CAMTA1: variants seen among roughly 807,000 people sequenced by gnomAD.
The protein encoded by CAMTA1 is calmodulin binding transcription activator 1, also known as calmodulin-binding transcription activator 1.
A neutral mutation model predicts 170.9 loss-of-function variants in CAMTA1; 27 were observed. That is an observed-to-expected ratio of 0.16 (90% CI 0.12 to 0.22). The LOEUF is 0.22. Among genes scored for constraint, CAMTA1 ranks in the 10% least tolerant of loss-of-function variants. The pLI is 1.00. For missense variants in CAMTA1, 1,619 were observed against 2,217.2 expected (o/e 0.73, Z 5.42); for synonymous variants, 833 against 891.5 (o/e 0.93, Z 1.17).
chr1:7,263,119 A>G (rs1311847801), intron 5 of CAMTA1, among the ~76,000 whole-genome samples: 2 of 152,186 alleles, frequency 1.3e-5, no homozygotes, highest in Non-Finnish European at 1.5e-5. Context: ...ACACCTGGCA[A>G]CAAGATTCTC....
intron 15 of CAMTA1, 45 bp downstream of exon 15, chr1:7,737,615 C>G (rs776569256): frequency 3.3e-6 from 5 of 1,530,134 alleles, no homozygotes; most frequent in Non-Finnish European, 3.5e-6. Context: ...ACAGAGATCC[C>G]GTTTGCTTTC....
intron 6 of CAMTA1, among the ~76,000 whole-genome samples, chr1:7,535,885 A>C (rs910116162): frequency 6.6e-6 from 1 of 152,234 alleles, no homozygotes; most frequent in Admixed American, 6.5e-5. Flanking sequence ...TGTTTTAGCA[A>C]GGGAAGCCCA....
At position 7,609,984 on chromosome 1, in the gene CAMTA1, GC is replaced by G. The variant is rs963891746; in HGVS notation, c.511-30414del. Among the ~76,000 whole-genome samples the G allele has an allele frequency of 2.0e-5, 3 of 152,196 alleles. No individual in the cohort carries two copies. Among genetic ancestry groups the G allele is most frequent in the African/African-American group, 7.2e-5 (3 of 41,456 alleles). On this transcript the variant is annotated intron_variant, in intron 6 of 22. Coordinates refer to ENST00000303635, the MANE Select transcript of CAMTA1 (RefSeq NM_015215.4). The surrounding 1 kb of genome is among the most constrained non-coding windows in gnomAD (Gnocchi z 4.4). ...TCTCTTTACCTGAAATACAGCACCT[GC>G]CGGGTCTGTCCACACTGTGTGTGCA...
intron 4 of CAMTA1, among the ~76,000 whole-genome samples, chr1:7,184,887 T>C (rs1401971514): frequency 1.3e-5 from 2 of 152,202 alleles, no homozygotes; most frequent in African/African-American, 2.4e-5. Flanking sequence ...ACTTTTGGGC[T>C]CTGTATTTTG....
At chr1:7,070,399 A>T (rs898406630) in intron 3 of CAMTA1, among the ~76,000 whole-genome samples, 1 of 152,176 alleles carries the variant, frequency 6.6e-6, no homozygotes, top group East Asian at 1.9e-4. Flanking sequence ...ATCATTTTTC[A>T]TTCAGTTACT....
intron 6 of CAMTA1, among the ~76,000 whole-genome samples, chr1:7,520,212 TCC>T (rs1575768681): frequency 5.3e-3 from 1 of 188 alleles, no homozygotes; most frequent in Non-Finnish European, 0.01. Context: ...CTCCTCCTCC[TCC>T]TCCTCCTCCT....
chr1:7,564,480 G>GA (rs2095009472), intron 6 of CAMTA1, among the ~76,000 whole-genome samples: 1 of 152,222 alleles, frequency 6.6e-6, no homozygotes, highest in South Asian at 2.1e-4. Flanking sequence ...CATGCCGTGG[G>GA]AAAACGGGCT....
intron 5 of CAMTA1, among the ~76,000 whole-genome samples, chr1:7,416,034 G>T (rs2091144071): frequency 6.6e-6 from 1 of 152,164 alleles, no homozygotes; most frequent in South Asian, 2.1e-4. Flanking sequence ...AGTTTGGCTG[G>T]ATATGAAATT....
rs1236562321 is a variant in CAMTA1 at position 7,275,793 on chromosome 1, T to C, written c.438+26167T>C. Among the ~76,000 whole-genome samples, 4 of 152,258 alleles carry C rather than the reference T, an allele frequency of 2.6e-5. No homozygotes were observed. In the East Asian group the frequency reaches 5.8e-4, roughly 22 times the overall value. ...ATCTTTCCCCAAAAAGAAACCTCCT[T>C]CATGGTGAATTTGATTTAAAAAAAT... On this transcript the variant is annotated intron_variant, in intron 5 of 22. Transcript: ENST00000303635.
At position 7,608,289 on chromosome 1, in the gene CAMTA1, G is replaced by C. The variant is rs540582219; in HGVS notation, c.511-32111G>C. Among the ~76,000 whole-genome samples, 15 of 152,358 alleles carry C rather than the reference G, an allele frequency of 9.8e-5. No individual in the cohort carries two copies. In the East Asian group the frequency reaches 2.9e-3, roughly 29 times the overall value. On this transcript the variant is annotated intron_variant, in intron 6 of 22. Transcript: ENST00000303635. ...CCCAGACCTGACCAAGGTCATGCAG[G>C]TGGTAGATGGGAGAGGCAAGGAGGT... is the stretch of plus-strand genomic sequence containing the variant.
chr1:7,026,352 G>C lies in CAMTA1; in HGVS notation c.235-64952G>C, dbSNP rs913938615. On this transcript the variant is annotated intron_variant, in intron 3 of 22. Transcript: ENST00000303635. ...ATCATGATATTCCTATATGTCCAGG[G>C]GGGGAGTCATCCGTGGCACGGCCTC... Among the ~76,000 whole-genome samples the C allele has an allele frequency of 8.5e-5, 13 of 152,210 alleles. No homozygotes were observed. In the East Asian group the frequency reaches 1.2e-3, roughly 14 times the overall value.
At chr1:7,264,204 T>C (rs765691262) in intron 5 of CAMTA1, among the ~76,000 whole-genome samples, 4 of 152,164 alleles carry the variant, frequency 2.6e-5, no homozygotes, top group Non-Finnish European at 4.4e-5. Context: ...TCTGATTCAG[T>C]TGGTCTGGGT....
chr1:6,810,546 C>T (rs1462872131), intron 1 of CAMTA1, among the ~76,000 whole-genome samples: 1 of 152,170 alleles, frequency 6.6e-6, no homozygotes, highest in African/African-American at 2.4e-5. Flanking sequence ...GTGGCTCATG[C>T]CTGTAATCCC....
At chr1:6,881,534 G>A (rs538386205) in intron 3 of CAMTA1, among the ~76,000 whole-genome samples, 17 of 152,296 alleles carry the variant, frequency 1.1e-4, no homozygotes, top group African/African-American at 3.1e-4. Flanking sequence ...TGTGCAGAGC[G>A]TGGGAAGGGG....
intron 5 of CAMTA1, among the ~76,000 whole-genome samples, chr1:7,414,358 G>T (rs1220327977): frequency 1.3e-5 from 2 of 152,082 alleles, no homozygotes; most frequent in Non-Finnish European, 2.9e-5. Flanking sequence ...TGTACCTCTG[G>T]TAGAATTCGG....
chr1:7,058,418 A>T (rs571545209), intron 3 of CAMTA1, among the ~76,000 whole-genome samples: 1 of 152,308 alleles, frequency 6.6e-6, no homozygotes, highest in South Asian at 2.1e-4. Context: ...GTCACCTGGC[A>T]TCCTTGCTTC....
rs1014423920 is a variant in CAMTA1, at chr1:7,642,235, G to A, written c.664+1682G>A. On this transcript the variant is annotated intron_variant, in intron 7 of 22. Transcript: ENST00000303635. The surrounding 1 kb of genome is among the most constrained non-coding windows in gnomAD (Gnocchi z 6.3). Reference sequence around the variant, plus strand: ...TCTTCAAAATGCTGCCGAGCACCGGGAAGCATGGGGAAATGGCACAGCTGC... The same window carrying A: ...TCTTCAAAATGCTGCCGAGCACCGGAAAGCATGGGGAAATGGCACAGCTGC... Among the ~76,000 whole-genome samples, 2 of 152,206 alleles carry A rather than the reference G, an allele frequency of 1.3e-5. No individual in the cohort carries two copies. The highest frequency in any genetic ancestry group is 4.8e-5 in the African/African-American group (2 of 41,450).
intron 2 of CAMTA1, among the ~76,000 whole-genome samples, chr1:6,822,425 A>G (rs1485886868): frequency 3.3e-5 from 5 of 152,188 alleles, no homozygotes; most frequent in Non-Finnish European, 7.4e-5. Flanking sequence ...CCTATTTGAA[A>G]TTCCAGTAAT....
In CAMTA1 at chr1:7,665,378, G is replaced by A. The variant is rs991692055; in HGVS notation, c.2652+179G>A. 1.3e-5 allele frequency among the ~76,000 whole-genome samples: 2 copies of A among 152,252 alleles called. No individual in the cohort carries two copies. Among genetic ancestry groups the A allele is most frequent in the East Asian group, 1.9e-4 (1 of 5,184 alleles). ...GCGCTTGAACACCTCCGTCTTTCAC[G>A]CAGTGGTTCTCAAACTTCACTGGGG... On this transcript the variant is annotated intron_variant, in intron 9 of 22. Transcript: ENST00000303635. This position sits in a 1 kb window ranked among gnomAD's most constrained non-coding sequence, Gnocchi z 4.3.
Sources: gnomAD v4.1 joint callset for allele counts (sites outside exome capture counted in the v4.1 genomes callset) on GRCh38, gnomAD v4.1.1 for gene constraint, Gnocchi (gnomAD v3.1) non-coding constraint, MANE v1.5 for transcripts, NCBI Gene and HGNC (gene_info 2026-07-23, HGNC 2026-07-21) for gene names.